The following SV2B variants were observed in gnomAD, a reference collection of about 807,000 sequenced individuals.
SV2B encodes synaptic vesicle glycoprotein 2B.
SV2B carries 41 observed loss-of-function variants against 73.9 expected under a neutral mutation model. The observed-to-expected ratio is 0.56, with a 90% confidence interval of 0.43 to 0.72. The LOEUF is 0.72. SV2B is among the 30% of genes least tolerant of loss of function. SV2B has a pLI of 0.00. For missense variants in SV2B, 764 were observed against 857.8 expected (o/e 0.89, Z 1.37); for synonymous variants, 314 against 314.2 (o/e 1.00, Z 0.01).
At chr15:91,273,862 A>G (rs1014752536) in intron 9 of SV2B, among the ~76,000 whole-genome samples, 3 of 152,132 alleles carry the variant, frequency 2.0e-5, no homozygotes, top group African/African-American at 7.2e-5. Context: ...ACATTCACGC[A>G]TTTTTTACAC....
At chr15:91,134,995 C>CTT (rs3082093) in intron 1 of SV2B, among the ~76,000 whole-genome samples, 3 of 137,388 alleles carry the variant, frequency 2.2e-5, no homozygotes, top group African/African-American at 8.0e-5. Context: ...ATTTCTCAAC[C>CTT]TTTTTTTTTT....
In SV2B at chr15:91,197,698, T is replaced by C. The variant is rs2045301382; in HGVS notation, c.-391-28175T>C. 1.3e-5 allele frequency among the ~76,000 whole-genome samples: 2 copies of C among 152,228 alleles called. No individual in the cohort carries two copies. The highest frequency in any genetic ancestry group is 2.1e-4 in the South Asian group (1 of 4,824). On this transcript the variant is annotated intron_variant, in intron 1 of 12. Coordinates refer to ENST00000394232, the MANE Select transcript of SV2B (RefSeq NM_001323032.3). This position sits in a 1 kb window ranked among gnomAD's most constrained non-coding sequence, Gnocchi z 4.9. Reference sequence around the variant, plus strand: ...ATGTTACAGCAAAATCTCTAAAATATAATGTTGTGCTAAAAAGCAAGGATA... The same window carrying C: ...ATGTTACAGCAAAATCTCTAAAATACAATGTTGTGCTAAAAAGCAAGGATA...
intron 1 of SV2B, among the ~76,000 whole-genome samples, chr15:91,177,086 A>G (rs2044339876): frequency 6.7e-6 from 1 of 149,296 alleles, no homozygotes; most frequent in South Asian, 2.1e-4. Context: ...TAAGGAAGGG[A>G]TCCAGTTTCA....
intron 2 of SV2B, among the ~76,000 whole-genome samples, chr15:91,246,468 G>C (rs1313173204): frequency 6.6e-6 from 1 of 152,114 alleles, no homozygotes; most frequent in African/African-American, 2.4e-5. Flanking sequence ...GCAAAGATGG[G>C]CACCGAATTT....
intron 2 of SV2B, among the ~76,000 whole-genome samples, chr15:91,249,335 A>G (rs1057018761): frequency 3.3e-5 from 5 of 152,246 alleles, no homozygotes; most frequent in African/African-American, 9.6e-5. Flanking sequence ...AGTGAATTAT[A>G]TCCAAGGTTT....
chr15:91,181,698 A>G lies in SV2B; in HGVS notation c.-391-44175A>G, dbSNP rs112303735. 3.3e-3 allele frequency among the ~76,000 whole-genome samples: 505 copies of G among 151,956 alleles called. 3 individuals are homozygous for G. Among genetic ancestry groups the G allele is most frequent in the African/African-American group, 0.012 (495 of 41,490 alleles). ...AACCAATTAGATAAACAGTGGCCAA[A>G]TGGAATAATCAGCTTGACAACCATC... On this transcript the variant is annotated intron_variant, in intron 1 of 12. Transcript: ENST00000394232.
chr15:91,219,750 AC>A (rs979590508), intron 1 of SV2B, among the ~76,000 whole-genome samples: 3 of 152,160 alleles, frequency 2.0e-5, no homozygotes, highest in African/African-American at 7.2e-5. Flanking sequence ...CACCCTCCCC[AC>A]ACCCCTGAAT....
Position 91,229,718 on chromosome 15 carries a change from T to C in SV2B, c.451+3004T>C, listed in dbSNP as rs1333428884. Among the ~76,000 whole-genome samples, 3 of 152,226 alleles carry C rather than the reference T, an allele frequency of 2.0e-5. No individual in the cohort carries two copies. The highest frequency in any genetic ancestry group is 4.4e-5 in the Non-Finnish European group (3 of 68,038). On this transcript the variant is annotated intron_variant, in intron 2 of 12. Coordinates refer to ENST00000394232, the MANE Select transcript of SV2B (RefSeq NM_001323032.3). The surrounding 1 kb of genome is among the most constrained non-coding windows in gnomAD (Gnocchi z 4.3). ...CTGCCCCTAATCAGTGCTCAAGATA[T>C]CTTAGTTATTATTATTGTCGATTGT...
At chr15:91,168,879 T>G (rs1250402852) in intron 1 of SV2B, among the ~76,000 whole-genome samples, 1 of 152,234 alleles carries the variant, frequency 6.6e-6, no homozygotes, top group Non-Finnish European at 1.5e-5. Flanking sequence ...GGTACATTAT[T>G]GATAATATAA....
At position 91,214,225 on chromosome 15, in the gene SV2B, T is replaced by A. The variant is rs1237782454; in HGVS notation, c.-391-11648T>A. Among the ~76,000 whole-genome samples the A allele has an allele frequency of 1.3e-5, 2 of 152,038 alleles. No individual in the cohort carries two copies. The highest frequency in any genetic ancestry group is 2.9e-5 in the Non-Finnish European group (2 of 68,020). On this transcript the variant is annotated intron_variant, in intron 1 of 12. Coordinates refer to ENST00000394232, the MANE Select transcript of SV2B (RefSeq NM_001323032.3). The surrounding 1 kb of genome is among the most constrained non-coding windows in gnomAD (Gnocchi z 4.7). Reference sequence around the variant, plus strand: ...TGGGGATGAGGATTCAGGGCAGGGTTCCAGCAGAGTGGAAGTGCTAAAAAA... The same window carrying A: ...TGGGGATGAGGATTCAGGGCAGGGTACCAGCAGAGTGGAAGTGCTAAAAAA...
chr15:91,212,734 G>T (rs1485066799), intron 1 of SV2B, among the ~76,000 whole-genome samples: 1 of 151,646 alleles, frequency 6.6e-6, no homozygotes, highest in Non-Finnish European at 1.5e-5. Context: ...TAGGAGAATC[G>T]CTTGAGCCCA....
chr15:91,204,045 C>T (rs375633391), intron 1 of SV2B, among the ~76,000 whole-genome samples: 5 of 152,266 alleles, frequency 3.3e-5, no homozygotes, highest in African/African-American at 1.2e-4. Context: ...TGGGTGGTTT[C>T]CAGGCCCCAA....
At chr15:91,204,537 T>C (rs2045567402) in intron 1 of SV2B, among the ~76,000 whole-genome samples, 1 of 151,656 alleles carries the variant, frequency 6.6e-6, no homozygotes, top group South Asian at 2.1e-4. Context: ...GGCCACTTAT[T>C]TCTTTTCTTC....
At chr15:91,146,466 T>C (rs1325551985) in intron 1 of SV2B, among the ~76,000 whole-genome samples, 1 of 152,202 alleles carries the variant, frequency 6.6e-6, no homozygotes, top group Non-Finnish European at 1.5e-5. Context: ...AAAAAATTTT[T>C]CGAGTTTTGT....
chr15:91,104,574 G>A (rs4577064), intron 1 of SV2B, among the ~76,000 whole-genome samples: 72,988 of 151,764 alleles, frequency 0.48, 18,615 homozygotes, highest in Non-Finnish European at 0.57. Context: ...TACAGGGAGG[G>A]GAAGAATTGA....
chr15:91,213,724 C>G (rs1215644265), intron 1 of SV2B, among the ~76,000 whole-genome samples: 1 of 152,004 alleles, frequency 6.6e-6, no homozygotes, highest in East Asian at 1.9e-4. Flanking sequence ...AGTAAAGATA[C>G]TATACCACTC....
intron 1 of SV2B, among the ~76,000 whole-genome samples, chr15:91,131,313 G>A (rs1396642246): frequency 4.6e-5 from 7 of 151,674 alleles, no homozygotes; most frequent in Non-Finnish European, 7.4e-5. Context: ...CAGCCCTCAC[G>A]GGGAATAAAA....
intron 6 of SV2B, among the ~76,000 whole-genome samples, chr15:91,262,343 A>AT (rs1249605416): frequency 1.3e-5 from 2 of 152,164 alleles, no homozygotes; most frequent in African/African-American, 4.8e-5. Context: ...TTATTATGAC[A>AT]TTTTTTCATA....
rs1302786459 is a variant in SV2B at position 91,261,419 on chromosome 15, C to T, written c.1008+1010C>T. On this transcript the variant is annotated intron_variant, in intron 6 of 12. Coordinates refer to ENST00000394232, the MANE Select transcript of SV2B (RefSeq NM_001323032.3). The surrounding 1 kb of genome is among the most constrained non-coding windows in gnomAD (Gnocchi z 4.7). ...ATCATTTTAATAAACAGTAATGTTACAAACATTAACATGGTTTTCCTAACA... is the reference window on the plus strand; with the variant it reads ...ATCATTTTAATAAACAGTAATGTTATAAACATTAACATGGTTTTCCTAACA... 6.6e-6 allele frequency among the ~76,000 whole-genome samples: 1 copy of T among 152,164 alleles called. No homozygotes were observed. Among genetic ancestry groups the T allele is most frequent in the Non-Finnish European group, 1.5e-5 (1 of 68,030 alleles).
Sources: gnomAD v4.1 joint callset for allele counts (sites outside exome capture counted in the v4.1 genomes callset) on GRCh38, gnomAD v4.1.1 for gene constraint, Gnocchi (gnomAD v3.1) non-coding constraint, MANE v1.5 for transcripts, NCBI Gene and HGNC (gene_info 2026-07-23, HGNC 2026-07-21) for gene names.